SLC9A7: variants seen among roughly 807,000 people sequenced by gnomAD.
SLC9A7 encodes the protein sodium/hydrogen exchanger 7.
Under a neutral mutation model 52.6 loss-of-function variants are expected in SLC9A7, and 19 were observed. That is an observed-to-expected ratio of 0.36 (90% CI 0.25 to 0.53). The LOEUF is 0.53. Ranked by LOEUF, SLC9A7 falls within the 20% of genes least tolerant of loss-of-function variation. The pLI is 0.91. For synonymous variants in SLC9A7, 226 were observed against 252.1 expected (o/e 0.90, Z 0.98); for missense variants, 455 against 597.9 (o/e 0.76, Z 2.49).
chrX:46,682,568 A>T lies in SLC9A7; in HGVS notation c.326-33T>A, dbSNP rs776106199. On this transcript the variant is annotated intron_variant, in intron 1 of 16. Coordinates refer to ENST00000616978, the MANE Select transcript of SLC9A7 (RefSeq NM_001257291.2). Reference sequence around the variant, plus strand: ...AGTGGAAAAAAACTCATCAGGCCTGAGGAAGGATAGAGAAAGTGTGGAAAT... The same window carrying T: ...AGTGGAAAAAAACTCATCAGGCCTGTGGAAGGATAGAGAAAGTGTGGAAAT... 4 of 1,132,094 alleles carry T rather than the reference A, an allele frequency of 3.5e-6. No individual in the cohort carries two copies. The Admixed American group carries it at 9.2e-5, about 26-fold the overall frequency. The allele number at this position is 1,132,094 out of a possible 1,213,427, so 93.3% of individuals were successfully genotyped here.
chrX:46,651,856 AAAAAAAG>A (rs1474855610), intron 8 of SLC9A7, among the ~76,000 whole-genome samples: 1 of 80,840 alleles, frequency 1.2e-5, no homozygotes, highest in Non-Finnish European at 2.6e-5. Context: ...AAGAAAAAGA[AAAAAAAG>A]AAAAAAAAGT....
intron 1 of SLC9A7, among the ~76,000 whole-genome samples, chrX:46,755,762 C>T (rs1027451189): frequency 4.1e-4 from 43 of 104,760 alleles, no homozygotes; most frequent in Admixed American, 1.1e-4. Flanking sequence ...GTGGAGTTTG[C>T]AGTGAGCCGA....
At chrX:46,698,305 C>T (rs1036304695) in intron 1 of SLC9A7, among the ~76,000 whole-genome samples, 1 of 111,228 alleles carries the variant, frequency 9.0e-6, no homozygotes, top group African/African-American at 3.3e-5. Flanking sequence ...ACGGAACCTA[C>T]CGACACGTGA....
intron 1 of SLC9A7, among the ~76,000 whole-genome samples, chrX:46,738,091 GAAA>G (rs1846598479): frequency 1.6e-5 from 1 of 62,522 alleles, no homozygotes; most frequent in African/African-American, 4.2e-5. Flanking sequence ...AAGAAAGAAA[GAAA>G]GAAAGAAAGA....
At chrX:46,641,310 CAA>C (rs1306477633) in intron 12 of SLC9A7, among the ~76,000 whole-genome samples, 1 of 110,675 alleles carries the variant, frequency 9.0e-6, no homozygotes, top group African/African-American at 3.3e-5. Flanking sequence ...AGCAAAATGT[CAA>C]AAGTCAACTC....
intron 1 of SLC9A7, among the ~76,000 whole-genome samples, chrX:46,753,621 T>C (rs146108172): frequency 0.042 from 4,672 of 111,943 alleles, 227 homozygotes; most frequent in African/African-American, 0.15. Flanking sequence ...TGTCTATATA[T>C]TGCAACATGC....
At chrX:46,727,668 A>T (rs5906264) in intron 1 of SLC9A7, among the ~76,000 whole-genome samples, 2 of 111,011 alleles carry the variant, frequency 1.8e-5, no homozygotes, top group African/African-American at 6.5e-5. Flanking sequence ...TGCTTGGGTA[A>T]CCAGCATATG....
At chrX:46,661,296 G>A (rs1225541679) in intron 7 of SLC9A7, among the ~76,000 whole-genome samples, 15 of 109,228 alleles carry the variant, frequency 1.4e-4, no homozygotes, top group South Asian at 1.2e-3. Context: ...TGGGTGCAGC[G>A]CACCAGCATG....
chrX:46,633,374 A>AAC (rs1943259568), intron 13 of SLC9A7, among the ~76,000 whole-genome samples: 5 of 98,950 alleles, frequency 5.1e-5, no homozygotes, highest in African/African-American at 1.9e-4. Flanking sequence ...AAAAAAAAAA[A>AAC]AAAAAAACAG....
chrX:46,698,232 A>G (rs1307673441), intron 1 of SLC9A7, among the ~76,000 whole-genome samples: 1 of 109,801 alleles, frequency 9.1e-6, no homozygotes, highest in Non-Finnish European at 1.9e-5. Flanking sequence ...CTATTCACAC[A>G]CTCCCTCCCC....
chrX:46,659,007 T>A (rs1431460454), intron 7 of SLC9A7, among the ~76,000 whole-genome samples: 1 of 110,794 alleles, frequency 9.0e-6, no homozygotes, highest in Non-Finnish European at 1.9e-5. Context: ...CAGCAGCACA[T>A]CAAAAAGCTT....
At chrX:46,718,490 C>T (rs1260401538) in intron 1 of SLC9A7, among the ~76,000 whole-genome samples, 7 of 111,735 alleles carry the variant, frequency 6.3e-5, no homozygotes, top group Non-Finnish European at 1.3e-4. Context: ...CAAAAGAAAC[C>T]ACCATCAGAG....
At chrX:46,692,401 G>A (rs1392089860) in intron 1 of SLC9A7, among the ~76,000 whole-genome samples, 1 of 111,240 alleles carries the variant, frequency 9.0e-6, no homozygotes, top group Admixed American at 9.6e-5. Flanking sequence ...GGTCCTGCCT[G>A]CTTGTCCAAG....
At chrX:46,720,037 T>G (rs930438605) in intron 1 of SLC9A7, among the ~76,000 whole-genome samples, 1 of 111,649 alleles carries the variant, frequency 9.0e-6, no homozygotes, top group African/African-American at 3.3e-5. Context: ...AAGAACAAGA[T>G]GAACAACAAA....
At chrX:46,678,074 T>TA (rs2146859102) in intron 3 of SLC9A7, among the ~76,000 whole-genome samples, 1 of 112,177 alleles carries the variant, frequency 8.9e-6, no homozygotes, top group East Asian at 2.8e-4. Context: ...ATTATCCTTT[T>TA]AATATCTGAA....
intron 1 of SLC9A7, 99 bp from the exon 2 acceptor site, chrX:46,682,634 T>A: frequency 1.3e-6 from 1 of 768,370 alleles, no homozygotes; most frequent in Non-Finnish European, 1.9e-6. Flanking sequence ...AATGCAGCAG[T>A]AATCTTAGAA....
intron 1 of SLC9A7, among the ~76,000 whole-genome samples, chrX:46,682,988 T>TTTTTTTTTTTTTTTTTTTG (rs1253667195): frequency 9.9e-6 from 1 of 100,737 alleles, no homozygotes; most frequent in Non-Finnish European, 2.0e-5. Flanking sequence ...TTTTTGTATT[T>TTTTTTTTTTTTTTTTTTTG]TTAGTAGAGA....
At chrX:46,708,717 A>C (rs1263979252) in intron 1 of SLC9A7, among the ~76,000 whole-genome samples, 1 of 111,760 alleles carries the variant, frequency 8.9e-6, no homozygotes, top group African/African-American at 3.3e-5. Context: ...TTTTGTTTGC[A>C]GAGAAACGAA....
chrX:46,693,234 A>G (rs1362330669), intron 1 of SLC9A7, among the ~76,000 whole-genome samples: 1 of 111,793 alleles, frequency 8.9e-6, no homozygotes. Flanking sequence ...TTTTGGCAGA[A>G]ATTGACAAGC....
Sources: allele counts gnomAD v4.1 joint callset (sites outside exome capture counted in the v4.1 genomes callset), GRCh38; gene constraint gnomAD v4.1.1; transcripts MANE v1.5; gene names NCBI Gene and HGNC (gene_info 2026-07-23, HGNC 2026-07-21).